DNAH11: variants seen among roughly 807,000 people sequenced by gnomAD.
DNAH11 encodes the protein axonemal beta dynein heavy chain 11.
In DNAH11, 442 loss-of-function variants were observed where a neutral mutation model predicts 526.0. That is an observed-to-expected ratio of 0.84 (90% confidence interval 0.78 to 0.91). The LOEUF (loss-of-function observed/expected upper bound fraction) is 0.91. DNAH11 is among the 40% of genes least tolerant of loss of function. The pLI, the probability that DNAH11 is intolerant of heterozygous loss-of-function variation, is 0.00. For synonymous variants in DNAH11, 2,461 were observed against 1,935.9 expected (o/e 1.27, Z -7.12); for missense variants, 6,989 against 5,448.7 (o/e 1.28, Z -8.90).
Position 21,852,650 on chromosome 7 carries a change from G to A in DNAH11, c.11061+19G>A. 1 of 1,556,376 alleles carries A rather than the reference G, an allele frequency of 6.4e-7. No homozygotes were observed. The highest frequency in any genetic ancestry group is 8.7e-7 in the Non-Finnish European group (1 of 1,155,478). ...GCACAAGGTAGGAAGGGCAGAGGGT[G>A]CCTGGCAGATTCTAATGCTCTGTTC... On this transcript the variant is annotated intron_variant, in intron 67 of 81. Transcript: ENST00000409508.
At chr7:21,730,763 G>A (rs185602570) in intron 45 of DNAH11, among the ~76,000 whole-genome samples, 22 of 152,248 alleles carry the variant, frequency 1.4e-4, no homozygotes, top group Admixed American at 6.5e-4. Flanking sequence ...GAGATCTATC[G>A]TACATGGTGA....
rs773887617 is a variant in DNAH11, at chr7:21,900,128, A to ACC, written c.13303+11_13303+12dup. On this transcript the variant is annotated intron_variant, in intron 81 of 81. Transcript: ENST00000409508. ...ACGGACTCTTCATGGAGGGTAAGAC[A>ACC]CCCCAAGGGGTAAGTGGGGAACCTT... 1 of 1,605,386 alleles carries ACC rather than the reference A, an allele frequency of 6.2e-7. No individual in the cohort carries two copies. The highest frequency in any genetic ancestry group is 1.3e-5 in the African/African-American group (1 of 74,544).
chr7:21,800,903 G>T (rs1440480303), intron 61 of DNAH11, among the ~76,000 whole-genome samples: 1 of 152,002 alleles, frequency 6.6e-6, no homozygotes, highest in African/African-American at 2.4e-5. Flanking sequence ...CCCAGTGGAG[G>T]CAGAAGGGGA....
chr7:21,816,416 T>C, intron 63 of DNAH11, 51 bp from the exon 64 acceptor site: 1 of 1,407,134 alleles, frequency 7.1e-7, no homozygotes, highest in Non-Finnish European at 9.8e-7. Context: ...CTTGTCTGTC[T>C]TCTCTCTCTG....
chr7:21,649,920 C>T (rs1787549668), intron 28 of DNAH11, among the ~76,000 whole-genome samples: 1 of 152,142 alleles, frequency 6.6e-6, no homozygotes, highest in Non-Finnish European at 1.5e-5. Context: ...CCTGCATTGC[C>T]TCCCAAAGTG....
chr7:21,553,584 A>G (rs1783103970), intron 2 of DNAH11, among the ~76,000 whole-genome samples: 3 of 152,130 alleles, frequency 2.0e-5, no homozygotes, highest in Admixed American at 6.5e-5. Context: ...GTCTTCATCA[A>G]CGGTCATGAG....
intron 66 of DNAH11, chr7:21,851,485 G>A (rs1185586051): frequency 2.4e-5 from 11 of 465,010 alleles, no homozygotes; most frequent in Non-Finnish European, 3.6e-5. Flanking sequence ...TTGTGGGCAG[G>A]CTTTGGTTAA....
At position 21,729,169 on chromosome 7, in the gene DNAH11, A is replaced by C. The variant is rs1785266326; in HGVS notation, c.7440+3185A>C. 2.0e-5 allele frequency among the ~76,000 whole-genome samples: 3 copies of C among 152,160 alleles called. No individual in the cohort carries two copies. The South Asian group carries it at 6.2e-4, about 32-fold the overall frequency. On this transcript the variant is annotated intron_variant, in intron 45 of 81. Coordinates refer to ENST00000409508, the MANE Select transcript of DNAH11 (RefSeq NM_001277115.2). Reference sequence around the variant, plus strand: ...TTGGAGTTACTTTCCCTTTTCTTGGAGGTTAATACATTATTTGCAGCCAGG... The same window carrying C: ...TTGGAGTTACTTTCCCTTTTCTTGGCGGTTAATACATTATTTGCAGCCAGG...
intron 14 of DNAH11, among the ~76,000 whole-genome samples, chr7:21,592,377 A>C (rs1784721292): frequency 6.6e-6 from 1 of 152,186 alleles, no homozygotes; most frequent in African/African-American, 2.4e-5. Flanking sequence ...CATTCTGGAG[A>C]GCAAAAGTAT....
At chr7:21,784,671 A>G (rs747716843) in intron 58 of DNAH11, 131 bp downstream of exon 58, 75 of 612,000 alleles carry the variant, frequency 1.2e-4, no homozygotes, top group Non-Finnish European at 1.9e-4. Flanking sequence ...AGCACCCATG[A>G]AATATTAAAG....
At chr7:21,894,579 A>G in intron 77 of DNAH11, 44 bp from the exon 78 acceptor site, 1 of 1,593,178 alleles carries the variant, frequency 6.3e-7, no homozygotes, top group Non-Finnish European at 8.6e-7. Context: ...CCATGACGAA[A>G]ACTGAAATAG....
In DNAH11 at chr7:21,693,950, C is replaced by T. The variant is rs117132246; in HGVS notation, c.6041+3069C>T. On this transcript the variant is annotated intron_variant, in intron 35 of 81. Transcript: ENST00000409508. ...TTACAAGGTGGACCAGGAGAGAGAACACGCGCGAGGTGGGGAAGTGCCACG... is the reference window on the plus strand; with the variant it reads ...TTACAAGGTGGACCAGGAGAGAGAATACGCGCGAGGTGGGGAAGTGCCACG... Among the ~76,000 whole-genome samples, 595 of 152,246 alleles carry T rather than the reference C, an allele frequency of 3.9e-3. 4 individuals are homozygous for T. Among genetic ancestry groups the T allele is most frequent in the Middle Eastern group, 0.01 (3 of 294 alleles).
At position 21,586,890 on chromosome 7, in the gene DNAH11, A is replaced by G; in HGVS notation, c.1711-1174A>G. 1.3e-5 allele frequency among the ~76,000 whole-genome samples: 2 copies of G among 152,234 alleles called. 1 individual carries two copies. The highest frequency in any genetic ancestry group is 2.9e-5 in the Non-Finnish European group (2 of 68,042). ...ATGGCGTATTAGCTGATGAGAAGCT[A>G]CACACTGAAGCACAAACCCGAATGC... On this transcript the variant is annotated intron_variant, in intron 9 of 81. Transcript: ENST00000409508.
chr7:21,868,930 A>G lies in DNAH11; in HGVS notation c.11906A>G (p.Glu3969Gly), dbSNP rs1273080022. Reference protein sequence around the residue: ...FHNVSLGQGQETVAEVALEKA... With the variant: ...FHNVSLGQGQGTVAEVALEKA... ...AATGTGTCTTTAGGACAAGGTCAGG[A>G]GACGGTGGCAGAAGTGGCCCTGGAG... Residue 3969 changes from glutamate (E) to glycine (G), a missense_variant, in exon 73 of 82, where the codon GAG (glutamate) becomes GGG (glycine). Glu to Gly is a moderately conservative substitution (Grantham distance 98). Coordinates refer to ENST00000409508, the MANE Select transcript of DNAH11 (RefSeq NM_001277115.2). 5 of 1,614,006 alleles carry G rather than the reference A, an allele frequency of 3.1e-6. No individual in the cohort carries two copies. Among genetic ancestry groups the G allele is most frequent in the Non-Finnish European group, 3.4e-6 (4 of 1,179,890 alleles).
At chr7:21,838,254 A>G (rs1041716707) in intron 65 of DNAH11, among the ~76,000 whole-genome samples, 9 of 152,234 alleles carry the variant, frequency 5.9e-5, no homozygotes, top group South Asian at 2.1e-4. Flanking sequence ...ACACATTGCT[A>G]TGCTCAAAAG....
At chr7:21,597,559 T>C (rs1286661135) in intron 14 of DNAH11, among the ~76,000 whole-genome samples, 2 of 152,050 alleles carry the variant, frequency 1.3e-5, no homozygotes, top group Non-Finnish European at 2.9e-5. Flanking sequence ...GCAAGGTCCG[T>C]CTTACATGGT....
At chr7:21,844,308 C>T (rs373960834) in intron 66 of DNAH11, among the ~76,000 whole-genome samples, 37 of 152,200 alleles carry the variant, frequency 2.4e-4, no homozygotes, top group African/African-American at 6.0e-4. Flanking sequence ...CAACCGTAGC[C>T]GCAGCTACTG....
rs781281531 is a variant in DNAH11, at chr7:21,866,511, T to A, written c.11538T>A (p.Asp3846Glu). The A allele has an allele frequency of 2.1e-5, 34 of 1,613,046 alleles. No individual in the cohort carries two copies. The South Asian group carries it at 3.6e-4, about 17-fold the overall frequency. ...AAGAATTTCGAGGCATAGACCGAGA[T>A]GTGGAAGGATCTGCCAAGCAGTGGA... is the stretch of plus-strand genomic sequence containing the variant. ...VMEEFRGIDR[D>E]VEGSAKQWRK... Residue 3846 changes from aspartate to glutamate, a missense_variant, in exon 71 of 82, where the codon GAT (aspartate) becomes GAA (glutamate). Coordinates refer to ENST00000409508, the MANE Select transcript of DNAH11 (RefSeq NM_001277115.2).
chr7:21,559,197 A>C (rs1256391965), intron 3 of DNAH11, among the ~76,000 whole-genome samples, 199 bp downstream of exon 3: 1 of 152,226 alleles, frequency 6.6e-6, no homozygotes, highest in Non-Finnish European at 1.5e-5. Context: ...TACCCATTTA[A>C]TATCACACCT....
Sources: gnomAD v4.1 joint callset for allele counts (sites outside exome capture counted in the v4.1 genomes callset) on GRCh38, gnomAD v4.1.1 for gene constraint, MANE v1.5 for transcripts, NCBI Gene and HGNC (gene_info 2026-07-23, HGNC 2026-07-21) for gene names.